ARB2A: variants seen among roughly 807,000 people sequenced by gnomAD.
ARB2A encodes the protein ARB2 cotranscriptional regulator A, also known as cotranscriptional regulator ARB2A.
At chr5:93,676,223 G>C in the ARB2A span, among the ~76,000 whole-genome samples, 1 of 151,782 alleles carries the variant, frequency 6.6e-6, no homozygotes, top group Non-Finnish European at 1.5e-5. Flanking sequence ...CCAAGTACAA[G>C]TATCAAGAAA....
the ARB2A span, among the ~76,000 whole-genome samples, chr5:93,966,933 A>G: frequency 6.6e-6 from 1 of 152,082 alleles, no homozygotes; most frequent in African/African-American, 2.4e-5. Context: ...TCTGGCAAAC[A>G]GAAGATACTT....
the ARB2A span, among the ~76,000 whole-genome samples, chr5:93,893,727 T>C: frequency 6.6e-6 from 1 of 152,180 alleles, no homozygotes; most frequent in Non-Finnish European, 1.5e-5. Flanking sequence ...CCTATTTTCT[T>C]TATATAACAT....
chr5:93,874,697 G>A, the ARB2A span, among the ~76,000 whole-genome samples: 1 of 152,154 alleles, frequency 6.6e-6, no homozygotes, highest in African/African-American at 2.4e-5. Context: ...AAGTATGAGT[G>A]GCTCCTCCAG....
chr5:93,646,307 TA>T, the ARB2A span, among the ~76,000 whole-genome samples: 2 of 151,262 alleles, frequency 1.3e-5, no homozygotes, highest in East Asian at 1.9e-4. Context: ...ATGCCAAAAA[TA>T]AAAAAAAATT....
chr5:93,666,501 TC>T, the ARB2A span, among the ~76,000 whole-genome samples: 1 of 150,492 alleles, frequency 6.6e-6, no homozygotes, highest in South Asian at 2.1e-4. Flanking sequence ...TAGTGCTATA[TC>T]CTTTTTTTTT....
the ARB2A span, among the ~76,000 whole-genome samples, chr5:93,953,286 T>C: frequency 3.3e-5 from 5 of 152,202 alleles, no homozygotes; most frequent in African/African-American, 1.2e-4. Context: ...TTGGCACACC[T>C]ACTTCCTGGG....
At chr5:93,683,699 T>G in the ARB2A span, 43 of 1,611,024 alleles carry the variant, frequency 2.7e-5, no homozygotes, top group East Asian at 8.2e-4. Flanking sequence ...CTCATGTCCA[T>G]GTCCATCGAA....
the ARB2A span, among the ~76,000 whole-genome samples, chr5:94,079,152 T>C: frequency 6.6e-6 from 1 of 152,244 alleles, no homozygotes; most frequent in African/African-American, 2.4e-5. Flanking sequence ...AAAATAATTA[T>C]AATGGAACTT....
chr5:93,979,732 G>A, the ARB2A span, among the ~76,000 whole-genome samples: 3 of 151,754 alleles, frequency 2.0e-5, no homozygotes, highest in East Asian at 3.9e-4. Context: ...ATTTTATCCC[G>A]TACCTTTTAT....
chr5:94,017,030 A>T, the ARB2A span, among the ~76,000 whole-genome samples: 1 of 152,208 alleles, frequency 6.6e-6, no homozygotes, highest in Non-Finnish European at 1.5e-5. Flanking sequence ...AACAAACCTA[A>T]TTATTTACCC....
chr5:93,986,886 G>A, the ARB2A span, among the ~76,000 whole-genome samples: 12 of 152,098 alleles, frequency 7.9e-5, no homozygotes, highest in African/African-American at 1.7e-4. Context: ...GCAGAAGGCC[G>A]CAGGGTCCTC....
chr5:93,816,416 T>G, the ARB2A span, among the ~76,000 whole-genome samples: 1 of 152,228 alleles, frequency 6.6e-6, no homozygotes, highest in Non-Finnish European at 1.5e-5. Flanking sequence ...ATATTTCTTA[T>G]GTAATGATTT....
the ARB2A span, among the ~76,000 whole-genome samples, chr5:94,068,991 T>G: frequency 1.3e-5 from 2 of 151,316 alleles, no homozygotes; most frequent in Admixed American, 6.6e-5. Flanking sequence ...GCCGAGATCG[T>G]GCCATTGCAC....
the ARB2A span, chr5:93,866,327 T>G: frequency 4.6e-4 from 445 of 969,062 alleles, 1 homozygote; most frequent in Admixed American, 9.8e-4. Flanking sequence ...TTCCCCTTAG[T>G]TCTTAAAATT....
the ARB2A span, chr5:93,738,242 C>T: frequency 6.4e-6 from 1 of 155,804 alleles, no homozygotes; most frequent in Non-Finnish European, 1.4e-5. Flanking sequence ...ATCAAAACCA[C>T]AATGAGACAC....
the ARB2A span, among the ~76,000 whole-genome samples, chr5:93,908,962 G>A: frequency 6.6e-6 from 1 of 150,958 alleles, no homozygotes; most frequent in Non-Finnish European, 1.5e-5. Context: ...AATGCTGCTA[G>A]AATGAACGAG....
At chr5:93,691,246 T>C in the ARB2A span, among the ~76,000 whole-genome samples, 1 of 151,944 alleles carries the variant, frequency 6.6e-6, no homozygotes, top group Non-Finnish European at 1.5e-5. Context: ...TAGGAGCATG[T>C]TCTAGCTCAA....
the ARB2A span, among the ~76,000 whole-genome samples, chr5:93,842,676 A>T: frequency 6.6e-6 from 1 of 152,182 alleles, no homozygotes; most frequent in Non-Finnish European, 1.5e-5. Context: ...AACCAACTCC[A>T]TTTACACTGC....
At chr5:93,807,442 T>C in the ARB2A span, among the ~76,000 whole-genome samples, 2 of 152,000 alleles carry the variant, frequency 1.3e-5, no homozygotes, top group Non-Finnish European at 2.9e-5. Flanking sequence ...TTCATATTAG[T>C]ATTACTTATA....
Sources: allele counts gnomAD v4.1 joint callset (sites outside exome capture counted in the v4.1 genomes callset), GRCh38; gene constraint gnomAD v4.1.1; transcripts MANE v1.5; gene names NCBI Gene and HGNC (gene_info 2026-07-23, HGNC 2026-07-21).